The following LIPC variants were observed in gnomAD, a reference collection of about 807,000 sequenced individuals.
LIPC encodes hepatic triacylglycerol lipase.
A neutral mutation model predicts 50.7 loss-of-function variants in LIPC; 44 were observed. The observed-to-expected ratio is 0.87, with a 90% CI of 0.68 to 1.11. The LOEUF (loss-of-function observed/expected upper bound fraction) is 1.11. LIPC is among the 50% of genes most tolerant of loss of function. The probability of loss-of-function intolerance (pLI) is 0.00; values close to 1 mark genes in which losing one functional copy is unlikely to be tolerated. For synonymous variants in LIPC, 271 were observed against 256.4 expected (o/e 1.06, Z -0.54); for missense variants, 697 against 648.2 (o/e 1.08, Z -0.82).
Position 58,569,124 on chromosome 15 carries a change from T to G in LIPC, c.*297T>G, listed in dbSNP as rs1032754254. The stretch of plus-strand genomic sequence containing the variant: ...TTAGATCTGTTGTTCTAATTTACAA[T>G]GTCTTTTATAATTAAGTTTCCCACA... On this transcript the variant is annotated 3_prime_UTR_variant, in exon 9 of 9. Transcript: ENST00000299022. The G allele has an allele frequency of 3.7e-5, 8 of 217,024 alleles. No individual in the cohort carries two copies. Among genetic ancestry groups the G allele is most frequent in the African/African-American group, 1.8e-4 (8 of 43,516 alleles). 13.4% of individuals were successfully genotyped at this position (217,024 alleles called of 1,614,324 possible). A position where few individuals can be genotyped will look rare whatever the true frequency, so the allele number is the denominator to read the frequency against.
At chr15:58,442,537 T>G (rs1033723242) in intron 1 of LIPC, among the ~76,000 whole-genome samples, 2 of 152,224 alleles carry the variant, frequency 1.3e-5, no homozygotes, top group Non-Finnish European at 2.9e-5. Context: ...GGAAGAAAAC[T>G]CTTACATTTC....
chr15:58,491,030 C>A (rs1268703408), intron 1 of LIPC, among the ~76,000 whole-genome samples: 1 of 152,164 alleles, frequency 6.6e-6, no homozygotes, highest in African/African-American at 2.4e-5. Context: ...CAGAGTCATT[C>A]TCAAATTTAT....
chr15:58,516,567 A>G lies in LIPC; in HGVS notation c.89-21766A>G, dbSNP rs184485814. 1.4e-3 allele frequency among the ~76,000 whole-genome samples: 207 copies of G among 152,224 alleles called. 1 individual carries two copies. The highest frequency in any genetic ancestry group is 6.1e-3 in the Admixed American group (93 of 15,294). On this transcript the variant is annotated intron_variant, in intron 1 of 8. Coordinates refer to ENST00000299022, the MANE Select transcript of LIPC (RefSeq NM_000236.3). ...AAATGGATGGTTTCTGTTGCTGTGA[A>G]TTCAAGTCCACTAATCTTTTCTTCT...
At chr15:58,548,946 C>A (rs1263344275) in intron 6 of LIPC, among the ~76,000 whole-genome samples, 1 of 152,236 alleles carries the variant, frequency 6.6e-6, no homozygotes, top group South Asian at 2.1e-4. Flanking sequence ...GAACCCAGTT[C>A]TTTCATCTCT....
intron 8 of LIPC, 42 bp downstream of exon 8, chr15:58,563,765 C>A: frequency 6.6e-7 from 1 of 1,504,198 alleles, no homozygotes; most frequent in South Asian, 1.2e-5. Flanking sequence ...CATTAAGCAC[C>A]CACTTGTGCC....
intron 1 of LIPC, chr15:58,435,528 G>A (rs1267972872): frequency 6.6e-6 from 1 of 151,986 alleles, no homozygotes; most frequent in Non-Finnish European, 1.5e-5. Flanking sequence ...GTGGAGGGGG[G>A]ATGTGCCATC....
intron 1 of LIPC, chr15:58,521,865 T>C (rs1892665424): frequency 6.6e-6 from 1 of 152,084 alleles, no homozygotes; most frequent in Non-Finnish European, 1.5e-5. Flanking sequence ...ATCATAATCA[T>C]GATGGGGAGG....
chr15:58,493,946 T>A (rs1199355094), intron 1 of LIPC, among the ~76,000 whole-genome samples: 7 of 152,054 alleles, frequency 4.6e-5, no homozygotes, highest in Non-Finnish European at 8.8e-5. Context: ...CAACCCCAGG[T>A]AGGAGGAGAG....
intron 1 of LIPC, among the ~76,000 whole-genome samples, chr15:58,488,349 C>G (rs1156330986): frequency 6.6e-6 from 1 of 152,182 alleles, no homozygotes. Context: ...TGGGGCTGAC[C>G]ACTGAACTAC....
rs1158922064 is a variant in LIPC, at chr15:58,567,126, C to G, written c.1389-1590C>G. On this transcript the variant is annotated intron_variant, in intron 8 of 8. Coordinates refer to ENST00000299022, the MANE Select transcript of LIPC (RefSeq NM_000236.3). ...CTGAGGCAAAGGAATCGCTTGAACCCAGGAGGCAGAGGTTGCGGTGAGCTG... is the reference window on the plus strand; with the variant it reads ...CTGAGGCAAAGGAATCGCTTGAACCGAGGAGGCAGAGGTTGCGGTGAGCTG... 4.7e-5 allele frequency among the ~76,000 whole-genome samples: 7 copies of G among 149,462 alleles called. No individual in the cohort carries two copies. In the East Asian group the frequency reaches 5.9e-4, roughly 12 times the overall value.
intron 8 of LIPC, among the ~76,000 whole-genome samples, chr15:58,567,782 T>C (rs1000782921): frequency 1.3e-5 from 2 of 152,106 alleles, no homozygotes; most frequent in East Asian, 1.9e-4. Flanking sequence ...CACAACATGA[T>C]GCCACTCAAT....
intron 1 of LIPC, among the ~76,000 whole-genome samples, chr15:58,455,443 A>G (rs978430046): frequency 6.6e-6 from 1 of 152,208 alleles, no homozygotes; most frequent in Non-Finnish European, 1.5e-5. Context: ...CATAGAAAAA[A>G]AATGTTAGTA....
At chr15:58,433,245 G>T (rs551767681) in intron 1 of LIPC, among the ~76,000 whole-genome samples, 32 of 152,112 alleles carry the variant, frequency 2.1e-4, no homozygotes, top group African/African-American at 7.0e-4. Flanking sequence ...TTTGCTAAAG[G>T]GCCTTTCCTG....
At chr15:58,464,388 C>G (rs1446096717) in intron 1 of LIPC, among the ~76,000 whole-genome samples, 1 of 152,228 alleles carries the variant, frequency 6.6e-6, no homozygotes, top group Non-Finnish European at 1.5e-5. Flanking sequence ...GCCCAACCTG[C>G]TTTCCCACAC....
rs762938418 is a variant in LIPC, at chr15:58,548,367, G to T, written c.846G>T (p.Ser282=). 58 of 1,613,980 alleles carry T rather than the reference G, an allele frequency of 3.6e-5. 1 individual carries two copies. In the South Asian group the frequency reaches 5.1e-4, roughly 14 times the overall value. The part of the protein sequence containing the change: ...TQTIKCSHER[S]VHLFIDSLLH... ...CCATAAAATGCTCCCACGAGCGATC[G>T]GTGCACCTTTTCATCGACTCCTTGC... Residue 282 remains serine (S), a synonymous_variant, in exon 6 of 9, where the codon TCG becomes TCT. Coordinates refer to ENST00000299022, the MANE Select transcript of LIPC (RefSeq NM_000236.3).
Position 58,545,786 on chromosome 15 carries a change from A to T in LIPC, c.619A>T (p.Asn207Tyr), listed in dbSNP as rs1430456718. The T allele has an allele frequency of 6.2e-7, 1 of 1,614,222 alleles. No individual in the cohort carries two copies. The highest frequency in any genetic ancestry group is 1.3e-5 in the African/African-American group (1 of 75,058). ...GPLFEGSAPS[N>Y]RLSPDDANFV... ...TTTGTTTGAGGGAAGTGCCCCCAGC[A>T]ATCGTCTTTCTCCAGATGATGCCAA... Residue 207 changes from asparagine (N) to tyrosine (Y), a missense_variant, in exon 5 of 9, where the codon AAT becomes TAT. By Grantham distance (143) the Asn-to-Tyr change is moderately radical. Transcript: ENST00000299022.
chr15:58,525,922 T>C (rs1359301117), intron 1 of LIPC, among the ~76,000 whole-genome samples: 2 of 152,250 alleles, frequency 1.3e-5, no homozygotes, highest in African/African-American at 4.8e-5. Flanking sequence ...ATTGAGAACC[T>C]GCTATATACC....
chr15:58,490,414 T>C (rs1023928692), intron 1 of LIPC, among the ~76,000 whole-genome samples: 1 of 152,224 alleles, frequency 6.6e-6, no homozygotes, highest in Non-Finnish European at 1.5e-5. Flanking sequence ...TACAGGGCTC[T>C]TGAATGCCCC....
chr15:58,441,909 C>T (rs1409649665), intron 1 of LIPC, among the ~76,000 whole-genome samples: 2 of 152,180 alleles, frequency 1.3e-5, no homozygotes, highest in African/African-American at 4.8e-5. Flanking sequence ...GATGCAAACA[C>T]AGATGTGGAG....
Sources: allele counts gnomAD v4.1 joint callset (sites outside exome capture counted in the v4.1 genomes callset), GRCh38; gene constraint gnomAD v4.1.1; transcripts MANE v1.5; gene names NCBI Gene and HGNC (gene_info 2026-07-23, HGNC 2026-07-21).